Variants in PPARA observed in about 807,000 individuals in gnomAD.
PPARA encodes peroxisome proliferator-activated receptor alpha.
Under a neutral mutation model 42.2 loss-of-function variants are expected in PPARA, and 22 were observed. The ratio of observed to expected loss-of-function variants is 0.52; its 90% CI spans 0.37 to 0.74. The LOEUF is 0.74. Among genes scored for constraint, PPARA ranks in the 30% least tolerant of loss-of-function variants. PPARA has a pLI of 0.00. For synonymous variants in PPARA, 242 were observed against 239.3 expected, an observed-to-expected ratio of 1.01 and a Z score of -0.10; for missense variants, 465 against 608.2, an observed-to-expected ratio of 0.76 and a Z score of 2.48.
In PPARA at chr22:46,224,411, G is replaced by T. The variant is rs1010980703; in HGVS notation, c.711+4397G>T. Among the ~76,000 whole-genome samples the T allele has an allele frequency of 2.0e-5, 3 of 152,244 alleles. No homozygotes were observed. The highest frequency in any genetic ancestry group is 2.9e-5 in the Non-Finnish European group (2 of 68,038). ...GGTGGGTAGTGGAAGACCATAGCCT[G>T]TGTCCCTTACACATCTCAGAAAGCA... On this transcript the variant is annotated intron_variant, in intron 7 of 8. Coordinates refer to ENST00000407236, the MANE Select transcript of PPARA (RefSeq NM_005036.6). This position sits in a 1 kb window ranked among gnomAD's most constrained non-coding sequence, Gnocchi z 5.7.
In PPARA at chr22:46,163,144, G is replaced by A. The variant is rs1245916960; in HGVS notation, c.-127+11174G>A. Among the ~76,000 whole-genome samples, 7 of 152,232 alleles carry A rather than the reference G, an allele frequency of 4.6e-5. No individual in the cohort carries two copies. The highest frequency in any genetic ancestry group is 1.0e-4 in the Non-Finnish European group (7 of 68,044). Reference sequence around the variant, plus strand: ...TCGCAGGGGCGTGTGTGCAGCACCTGCCAGTGAACGGAATGTGCGGCTCCA... The same window carrying A: ...TCGCAGGGGCGTGTGTGCAGCACCTACCAGTGAACGGAATGTGCGGCTCCA... On this transcript the variant is annotated intron_variant, in intron 2 of 8. Coordinates refer to ENST00000407236, the MANE Select transcript of PPARA (RefSeq NM_005036.6). The surrounding 1 kb of genome is among the most constrained non-coding windows in gnomAD (Gnocchi z 4.9).
chr22:46,160,665 A>T lies in PPARA; in HGVS notation c.-127+8695A>T, dbSNP rs1017083996. Among the ~76,000 whole-genome samples, 5 of 152,072 alleles carry T rather than the reference A, an allele frequency of 3.3e-5. No individual in the cohort carries two copies. Among genetic ancestry groups the T allele is most frequent in the Admixed American group, 6.5e-5 (1 of 15,270 alleles). On this transcript the variant is annotated intron_variant, in intron 2 of 8. Transcript: ENST00000407236. This position sits in a 1 kb window ranked among gnomAD's most constrained non-coding sequence, Gnocchi z 4.5. ...CACCAGGCTGGAGTGCAGTGGTGTG[A>T]TCTCAGCTCACTGCAACCTCCACCT... is the stretch of plus-strand genomic sequence containing the variant.
chr22:46,226,218 C>T (rs760408679), intron 7 of PPARA, among the ~76,000 whole-genome samples: 3 of 152,102 alleles, frequency 2.0e-5, no homozygotes, highest in Non-Finnish European at 4.4e-5. Context: ...CACATATGCT[C>T]ACACACACGT....
At chr22:46,181,940 G>A (rs553877281) in intron 3 of PPARA, among the ~76,000 whole-genome samples, 1 of 152,384 alleles carries the variant, frequency 6.6e-6, no homozygotes, top group African/African-American at 2.4e-5. Flanking sequence ...CTGGGATCAA[G>A]TGATTCTCCT....
chr22:46,158,330 C>T (rs775010597), intron 2 of PPARA, among the ~76,000 whole-genome samples: 3 of 152,032 alleles, frequency 2.0e-5, no homozygotes, highest in Non-Finnish European at 2.9e-5. Flanking sequence ...TTGCTTGAAC[C>T]CAGGAGTCGG....
chr22:46,214,470 A>G (rs1415170721), intron 4 of PPARA, among the ~76,000 whole-genome samples: 1 of 137,874 alleles, frequency 7.3e-6, no homozygotes, highest in East Asian at 2.3e-4. Flanking sequence ...TGCGCAGATC[A>G]GGAGATGGGC....
chr22:46,212,207 C>A lies in PPARA; in HGVS notation c.209-2966C>A, dbSNP rs972623020. On this transcript the variant is annotated intron_variant, in intron 4 of 8. Transcript: ENST00000407236. This position sits in a 1 kb window ranked among gnomAD's most constrained non-coding sequence, Gnocchi z 4.2. ...AAGTAGCTGGGATTACAGGTGCACA[C>A]CGCTGAGCCCAGCAAATTTTTGTAT... Among the ~76,000 whole-genome samples the A allele has an allele frequency of 1.3e-5, 2 of 152,010 alleles. No homozygotes were observed. Among genetic ancestry groups the A allele is most frequent in the African/African-American group, 2.4e-5 (1 of 41,390 alleles).
intron 3 of PPARA, among the ~76,000 whole-genome samples, chr22:46,178,118 G>A (rs4253679): frequency 4.1e-4 from 63 of 152,160 alleles, no homozygotes; most frequent in Non-Finnish European, 8.2e-4. Flanking sequence ...GACTCGTAAG[G>A]AGGGGGTAGA....
chr22:46,164,976 G>C (rs1238650519), intron 2 of PPARA: 4 of 152,108 alleles, frequency 2.6e-5, no homozygotes, highest in Non-Finnish European at 4.4e-5. Flanking sequence ...ATTTGGGATG[G>C]TTTGAGAACG....
Position 46,240,960 on chromosome 22 carries a change from T to TA in PPARA, c.*5581dup, listed in dbSNP as rs1936355787. 1 of 152,282 alleles carries TA rather than the reference T, an allele frequency of 6.6e-6. No individual in the cohort carries two copies. The highest frequency in any genetic ancestry group is 6.5e-5 in the Admixed American group (1 of 15,288). The allele number at this position is 152,282 out of a possible 1,614,324, so 9.4% of individuals were successfully genotyped here. A position where few individuals can be genotyped will look rare whatever the true frequency, so the allele number is the denominator to read the frequency against. On this transcript the variant is annotated 3_prime_UTR_variant, in exon 9 of 9. Transcript: ENST00000407236. This position sits in a 1 kb window ranked among gnomAD's most constrained non-coding sequence, Gnocchi z 6.0. ...CAAACATCTGTGGCAGAAAAGGCTA[T>TA]ACGGACCACCCAGTTGTGCTGCAGC... is the stretch of plus-strand genomic sequence containing the variant.
intron 4 of PPARA, among the ~76,000 whole-genome samples, chr22:46,205,555 T>TATATATATATA (rs1491143261): frequency 1.3e-3 from 17 of 13,386 alleles, no homozygotes; most frequent in Non-Finnish European, 1.7e-3. Context: ...TATATATATA[T>TATATATATATA]TTTTTTTTTT....
At position 46,219,091 on chromosome 22, in the gene PPARA, G is replaced by A. The variant is rs1934776397; in HGVS notation, c.508+690G>A. ...ACAGGAGAATAGCTTGAACCCGGGA[G>A]GCGGAGGTTGCAGTGAGCTGAGATC... On this transcript the variant is annotated intron_variant, in intron 6 of 8. Transcript: ENST00000407236. The surrounding 1 kb of genome is among the most constrained non-coding windows in gnomAD (Gnocchi z 4.8). Among the ~76,000 whole-genome samples the A allele has an allele frequency of 6.6e-6, 1 of 151,756 alleles. No individual in the cohort carries two copies. Among genetic ancestry groups the A allele is most frequent in the Admixed American group, 6.6e-5 (1 of 15,212 alleles).
Position 46,232,040 on chromosome 22 carries a change from G to A in PPARA, c.960G>A (p.Met320Ile). The change falls in exon 8 of 9, where the codon ATG becomes ATA. Residue 320 changes from methionine (M) to isoleucine (I), a missense_variant. Transcript: ENST00000407236. The surrounding 1 kb of genome is among the most constrained non-coding windows in gnomAD (Gnocchi z 5.3). Reference sequence around the variant, plus strand: ...GAGTTTATGAGGCCATATTCGCCATGCTGTCTTCTGTGATGAACAAAGACG... The same window carrying A: ...GAGTTTATGAGGCCATATTCGCCATACTGTCTTCTGTGATGAACAAAGACG... ...KYGVYEAIFAMLSSVMNKDGM... is the reference protein window; with the variant it reads ...KYGVYEAIFAILSSVMNKDGM... 6.2e-7 allele frequency: 1 copy of A among 1,614,218 alleles called. No homozygotes were observed. Among genetic ancestry groups the A allele is most frequent in the Non-Finnish European group, 8.5e-7 (1 of 1,180,034 alleles).
intron 7 of PPARA, among the ~76,000 whole-genome samples, chr22:46,226,460 A>G (rs1350016583): frequency 6.6e-6 from 1 of 152,228 alleles, no homozygotes; most frequent in Non-Finnish European, 1.5e-5. Flanking sequence ...GTTCAAATGA[A>G]GAAAGTAGGA....
rs1929754484 is a variant in PPARA, at chr22:46,180,245, G to A, written c.-43+3409G>A. On this transcript the variant is annotated intron_variant, in intron 3 of 8. Coordinates refer to ENST00000407236, the MANE Select transcript of PPARA (RefSeq NM_005036.6). The surrounding 1 kb of genome is among the most constrained non-coding windows in gnomAD (Gnocchi z 4.2). Reference sequence around the variant, plus strand: ...TTGCTCTCCCAGGCTGGAGTACAGTGGCGCGATCTCAGCTCACTGCAACCT... The same window carrying A: ...TTGCTCTCCCAGGCTGGAGTACAGTAGCGCGATCTCAGCTCACTGCAACCT... Among the ~76,000 whole-genome samples, 1 of 149,926 alleles carries A rather than the reference G, an allele frequency of 6.7e-6. No homozygotes were observed. Among genetic ancestry groups the A allele is most frequent in the African/African-American group, 2.5e-5 (1 of 40,784 alleles).
intron 3 of PPARA, among the ~76,000 whole-genome samples, chr22:46,181,986 G>A (rs1319799496): frequency 1.3e-5 from 2 of 152,314 alleles, no homozygotes; most frequent in African/African-American, 4.8e-5. Flanking sequence ...GTACGGGTGT[G>A]CACCACCACG....
chr22:46,235,620 C>T lies in PPARA; in HGVS notation c.*240C>T, dbSNP rs948657342. ...AATCTCAGGACTGGGAAGATTACGG[C>T]GAATTATGCTCAATGGTCTGATTTT... On this transcript the variant is annotated 3_prime_UTR_variant, in exon 9 of 9. Transcript: ENST00000407236. The surrounding 1 kb of genome is among the most constrained non-coding windows in gnomAD (Gnocchi z 7.0). 22 of 545,012 alleles carry T rather than the reference C, an allele frequency of 4.0e-5. No individual in the cohort carries two copies. The highest frequency in any genetic ancestry group is 3.8e-4 in the South Asian group (19 of 49,524). The allele number at this position is 545,012 out of a possible 1,614,324, so 33.8% of individuals were successfully genotyped here.
rs778621953 is a variant in PPARA at position 46,225,691 on chromosome 22, G to A, written c.711+5677G>A. Among the ~76,000 whole-genome samples, 1 of 147,962 alleles carries A rather than the reference G, an allele frequency of 6.8e-6. No homozygotes were observed. The highest frequency in any genetic ancestry group is 1.5e-5 in the Non-Finnish European group (1 of 67,128). On this transcript the variant is annotated intron_variant, in intron 7 of 8. Transcript: ENST00000407236. The surrounding 1 kb of genome is among the most constrained non-coding windows in gnomAD (Gnocchi z 4.1). ...CAGATGCACCTCCACCCCCATACAT[G>A]CACATGGACACACACATGCACCCAC...
At position 46,167,796 on chromosome 22, in the gene PPARA, G is replaced by A. The variant is rs1927296011; in HGVS notation, c.-126-8957G>A. ...GCTGGCTTACACCTGTCATTCCAAT[G>A]CTTTGGGGGACCGAGGTGAGAGGAT... On this transcript the variant is annotated intron_variant, in intron 2 of 8. Coordinates refer to ENST00000407236, the MANE Select transcript of PPARA (RefSeq NM_005036.6). This position sits in a 1 kb window ranked among gnomAD's most constrained non-coding sequence, Gnocchi z 4.1. Among the ~76,000 whole-genome samples, 1 of 152,074 alleles carries A rather than the reference G, an allele frequency of 6.6e-6. No homozygotes were observed. Among genetic ancestry groups the A allele is most frequent in the Non-Finnish European group, 1.5e-5 (1 of 68,012 alleles).
Sources: allele counts gnomAD v4.1 joint callset (sites outside exome capture counted in the v4.1 genomes callset), GRCh38; gene constraint gnomAD v4.1.1; non-coding constraint Gnocchi (gnomAD v3.1); transcripts MANE v1.5; gene names NCBI Gene and HGNC (gene_info 2026-07-23, HGNC 2026-07-21).